The following PLD3 variants were observed in gnomAD, a reference collection of about 807,000 sequenced individuals.
The protein encoded by PLD3 is phospholipase D family member 3.
PLD3 carries 31 observed loss-of-function variants against 58.4 expected under a neutral mutation model. The observed-to-expected ratio is 0.53, with a 90% CI of 0.40 to 0.72. PLD3 has a LOEUF of 0.72. Among genes scored for constraint, PLD3 ranks in the 30% least tolerant of loss-of-function variants. The pLI is 0.00. For missense variants in PLD3, 595 were observed against 659.8 expected, an observed-to-expected ratio of 0.90 and a Z score of 1.08; for synonymous variants, 264 against 273.4, an observed-to-expected ratio of 0.97 and a Z score of 0.34.
In PLD3 at chr19:40,374,638, G is replaced by A; in HGVS notation, c.1019+18G>A. 1 of 1,613,802 alleles carries A rather than the reference G, an allele frequency of 6.2e-7. No homozygotes were observed. Among genetic ancestry groups the A allele is most frequent in the Non-Finnish European group, 8.5e-7 (1 of 1,179,822 alleles). ...CCTCACAGGTACTGCTGGGTGTGGA[G>A]ATAGGGAGCCGCTGCAGTTGGCCAG... On this transcript the variant is annotated intron_variant, in intron 10 of 12. Coordinates refer to ENST00000409735, the MANE Select transcript of PLD3 (RefSeq NM_012268.4).
intron 3 of PLD3, 46 bp from the exon 4 acceptor site, chr19:40,366,564 G>T: frequency 1.3e-6 from 2 of 1,589,168 alleles, no homozygotes; most frequent in Non-Finnish European, 8.6e-7. Context: ...GGGGGTGGGG[G>T]TTCCCAAGAG....
chr19:40,373,469 CGGGA>C (rs2079113779), intron 9 of PLD3, among the ~76,000 whole-genome samples: 1 of 150,790 alleles, frequency 6.6e-6, no homozygotes, highest in African/African-American at 2.4e-5. Flanking sequence ...CCCAGCTACT[CGGGA>C]GGCTGAGGCA....
intron 1 of PLD3, among the ~76,000 whole-genome samples, chr19:40,354,045 C>T (rs954025288): frequency 6.6e-6 from 1 of 150,932 alleles, no homozygotes; most frequent in African/African-American, 2.4e-5. Flanking sequence ...AGGCGCATAC[C>T]ACCATCCCCA....
Position 40,376,653 on chromosome 19 carries a change from AGCGTG to A in PLD3, c.1069_1073del (p.Gly357GlnfsTer28). On this transcript the variant is annotated frameshift_variant, in exon 11 of 13. Coordinates refer to ENST00000409735, the MANE Select transcript of PLD3 (RefSeq NM_012268.4). LOFTEE classifies it high-confidence loss of function. ...GATGGGCTGCGGCGGGCCACCTACGAGCGTGGCGTCAAGGTGCGCCTGCTCATCAG... is the reference window on the plus strand; with the variant it reads ...GATGGGCTGCGGCGGGCCACCTACGAGCGTCAAGGTGCGCCTGCTCATCAG... The A allele has an allele frequency of 1.2e-6, 2 of 1,607,636 alleles. No individual in the cohort carries two copies. The highest frequency in any genetic ancestry group is 1.7e-6 in the Non-Finnish European group (2 of 1,179,958).
intron 9 of PLD3, among the ~76,000 whole-genome samples, chr19:40,373,270 C>T (rs956924599): frequency 6.6e-6 from 1 of 152,106 alleles, no homozygotes; most frequent in African/African-American, 2.4e-5. Flanking sequence ...GTTTCCTTGT[C>T]TCTTGAGCAT....
intron 1 of PLD3, among the ~76,000 whole-genome samples, chr19:40,350,611 G>C (rs1297008165): frequency 6.6e-6 from 1 of 151,924 alleles, no homozygotes; most frequent in Non-Finnish European, 1.5e-5. Flanking sequence ...AGGCATGGTG[G>C]CGCGCCCCTA....
intron 10 of PLD3, chr19:40,374,915 C>T (rs577548388): frequency 3.1e-4 from 116 of 370,948 alleles, no homozygotes; most frequent in African/African-American, 2.2e-3. Context: ...CAACATTTTG[C>T]GGGGCTGAGG....
intron 6 of PLD3, 44 bp from the exon 7 acceptor site, chr19:40,369,864 G>T: frequency 4.0e-6 from 6 of 1,509,516 alleles, no homozygotes; most frequent in Non-Finnish European, 5.3e-6. Flanking sequence ...TGGGGTTGGA[G>T]AGCTGGCTGG....
At chr19:40,364,208 G>C (rs1407083762) in intron 1 of PLD3, among the ~76,000 whole-genome samples, 1 of 151,614 alleles carries the variant, frequency 6.6e-6, no homozygotes, top group Non-Finnish European at 1.5e-5. Flanking sequence ...ACAAAAATTA[G>C]CTGGTCGTGG....
chr19:40,352,807 TAAAA>T (rs2078552411), intron 1 of PLD3, among the ~76,000 whole-genome samples: 1 of 151,068 alleles, frequency 6.6e-6, no homozygotes, highest in African/African-American at 2.4e-5. Context: ...TACAAAAAAA[TAAAA>T]AACTAGCTGG....
chr19:40,369,754 T>C, intron 6 of PLD3, 154 bp from the exon 7 acceptor site: 1 of 670,406 alleles, frequency 1.5e-6, no homozygotes, highest in Non-Finnish European at 2.4e-6. Context: ...AGGAAGTCTT[T>C]TAATATTTTA....
intron 1 of PLD3, among the ~76,000 whole-genome samples, chr19:40,361,029 C>T (rs1035425981): frequency 1.3e-5 from 2 of 149,222 alleles, no homozygotes; most frequent in Non-Finnish European, 3.0e-5. Context: ...TGCCTGAAAT[C>T]CCCGCACTGT....
chr19:40,363,469 A>T (rs1312917265), intron 1 of PLD3, among the ~76,000 whole-genome samples: 1 of 152,042 alleles, frequency 6.6e-6, no homozygotes, highest in African/African-American at 2.4e-5. Context: ...GCTCTGTTTT[A>T]ACCCAGGCTG....
chr19:40,349,297 C>T (rs2078421811), intron 1 of PLD3, among the ~76,000 whole-genome samples: 1 of 152,120 alleles, frequency 6.6e-6, no homozygotes, highest in African/African-American at 2.4e-5. Flanking sequence ...GTGTCTTTGT[C>T]CCTCCCTTGG....
intron 8 of PLD3, 47 bp from the exon 9 acceptor site, chr19:40,371,626 G>A (rs1483145429): frequency 7.4e-7 from 1 of 1,345,992 alleles, no homozygotes; most frequent in Non-Finnish European, 1.1e-6. Context: ...CCTGTCATCT[G>A]TGAGCACTAG....
chr19:40,370,147 C>T lies in PLD3; in HGVS notation c.588C>T (p.Thr196=), dbSNP rs1053696523. The part of the protein sequence containing the change: ...QVRMVDMQKL[T]HGVLHTKFWV... ...GCATGGTGGACATGCAGAAGCTGACCCATGGCGTCCTGCATACCAAGTTCT... is the reference window on the plus strand; with the variant it reads ...GCATGGTGGACATGCAGAAGCTGACTCATGGCGTCCTGCATACCAAGTTCT... The change falls in exon 8 of 13, where the codon ACC becomes ACT. Residue 196 remains threonine (T), a synonymous_variant. Transcript: ENST00000409735. 1.2e-6 allele frequency: 2 copies of T among 1,613,830 alleles called. No homozygotes were observed. The highest frequency in any genetic ancestry group is 2.2e-5 in the South Asian group (2 of 91,034).
intron 1 of PLD3, among the ~76,000 whole-genome samples, chr19:40,351,794 G>T (rs2078522207): frequency 6.6e-6 from 1 of 152,190 alleles, no homozygotes; most frequent in South Asian, 2.1e-4. Context: ...GCCACAGGAG[G>T]ATGTGGAGCC....
intron 1 of PLD3, among the ~76,000 whole-genome samples, chr19:40,364,185 C>G (rs1034946748): frequency 6.6e-6 from 1 of 151,496 alleles, no homozygotes; most frequent in Non-Finnish European, 1.5e-5. Context: ...GAAACCCTGT[C>G]TCTACTAAAA....
chr19:40,367,980 A>ACCCCTCTGTCTCCT, intron 6 of PLD3, 101 bp downstream of exon 6: 2 of 1,017,350 alleles, frequency 2.0e-6, no homozygotes, highest in African/African-American at 1.6e-5. Flanking sequence ...CAGGAGACAG[A>ACCCCTCTGTCTCCT]GGGGTGTGTC....
Sources: gnomAD v4.1 joint callset for allele counts (sites outside exome capture counted in the v4.1 genomes callset) on GRCh38, gnomAD v4.1.1 for gene constraint, MANE v1.5 for transcripts, NCBI Gene and HGNC (gene_info 2026-07-23, HGNC 2026-07-21) for gene names.